Variants in TNRC6B observed in about 807,000 individuals in gnomAD.
The protein encoded by TNRC6B is trinucleotide repeat-containing gene 6B protein.
In TNRC6B, 52 loss-of-function variants were observed where a neutral mutation model predicts 203.6. The ratio of observed to expected loss-of-function variants is 0.26; its 90% CI spans 0.20 to 0.32. TNRC6B has a LOEUF of 0.32. TNRC6B is among the 10% of genes least tolerant of loss of function. TNRC6B has a pLI of 1.00. For synonymous variants in TNRC6B, 838 were observed against 845.7 expected (o/e 0.99, Z 0.16); for missense variants, 1,923 against 2,286.2 (o/e 0.84, Z 3.24).
chr22:40,094,281 T>C lies in TNRC6B; in HGVS notation c.-120-22774T>C, dbSNP rs73885648. 5.4e-3 allele frequency among the ~76,000 whole-genome samples: 827 copies of C among 152,226 alleles called. 7 individuals carry two copies. Among genetic ancestry groups the C allele is most frequent in the African/African-American group, 0.019 (794 of 41,528 alleles). On this transcript the variant is annotated intron_variant, in intron 1 of 23. Coordinates refer to the TNRC6B transcript ENST00000301923. Reference sequence around the variant, plus strand: ...AAGATGCCATCATTCCTAAGACATATTGTATTTTATGCTCCATTAAGAAAG... The same window carrying C: ...AAGATGCCATCATTCCTAAGACATACTGTATTTTATGCTCCATTAAGAAAG...
At chr22:40,245,611 T>C (rs2070096235) in intron 1 of TNRC6B, among the ~76,000 whole-genome samples, 1 of 152,176 alleles carries the variant, frequency 6.6e-6, no homozygotes, top group Admixed American at 6.5e-5. Context: ...TGTACCATAA[T>C]TGAGTTAATA....
At chr22:40,147,564 C>A (rs933745940) in intron 3 of TNRC6B, among the ~76,000 whole-genome samples, 1 of 152,144 alleles carries the variant, frequency 6.6e-6, no homozygotes, top group Non-Finnish European at 1.5e-5. Flanking sequence ...AATACTGCGT[C>A]CCCACGTGGC....
At position 40,312,908 on chromosome 22, in the gene TNRC6B, A is replaced by G; in HGVS notation, c.4589A>G (p.Asn1530Ser). 1 of 1,613,506 alleles carries G rather than the reference A, an allele frequency of 6.2e-7. No homozygotes were observed. Among genetic ancestry groups the G allele is most frequent in the Non-Finnish European group, 8.5e-7 (1 of 1,179,658 alleles). ...TTGTTCTTTGTTACCCAAGGGTCTAATTCTTCCCTCAACACCTCGCTGCCT... is the reference window on the plus strand; with the variant it reads ...TTGTTCTTTGTTACCCAAGGGTCTAGTTCTTCCCTCAACACCTCGCTGCCT... Reference protein sequence around the residue: ...QLLRDNTTGSNSSLNTSLPSP... With the variant: ...QLLRDNTTGSSSSLNTSLPSP... Residue 1530 changes from asparagine to serine, a missense_variant, in exon 19 of 23, where the codon AAT becomes AGT. Around this residue, in one of 8 missense-constraint regions of TNRC6B, gnomAD observed 159 missense variants for 181.0 expected, o/e 0.88. Coordinates refer to ENST00000454349, the MANE Select transcript of TNRC6B (RefSeq NM_001162501.2).
Position 40,089,286 on chromosome 22 carries a change from G to A in TNRC6B, c.-120-27769G>A, listed in dbSNP as rs187472103. Among the ~76,000 whole-genome samples the A allele has an allele frequency of 4.6e-5, 7 of 151,878 alleles. No individual in the cohort carries two copies. In the East Asian group the frequency reaches 5.8e-4, roughly 13 times the overall value. On this transcript the variant is annotated intron_variant, in intron 1 of 23. Coordinates refer to the TNRC6B transcript ENST00000301923. ...CTCACTTTGTCACCCAGGCTGGAGC[G>A]CATTGGTGTGATCTTGGCTCACTGC... is the stretch of plus-strand genomic sequence containing the variant.
intron 1 of TNRC6B, among the ~76,000 whole-genome samples, chr22:40,229,748 CA>C: frequency 6.6e-6 from 1 of 152,248 alleles, no homozygotes. Flanking sequence ...TTTTACTCAA[CA>C]TAGTTATTTT....
intron 20 of TNRC6B, 89 bp downstream of exon 20, chr22:40,315,596 C>A: frequency 7.2e-7 from 1 of 1,385,396 alleles, no homozygotes; most frequent in Non-Finnish European, 9.9e-7. Context: ...GAGGTCTTCC[C>A]AAGAGAGGAA....
At chr22:40,303,374 A>G (rs1300957295) in intron 15 of TNRC6B, among the ~76,000 whole-genome samples, 2 of 151,998 alleles carry the variant, frequency 1.3e-5, no homozygotes, top group African/African-American at 4.8e-5. Context: ...AAGCATACAC[A>G]TATATACGTA....
At chr22:40,312,726 A>G in intron 18 of TNRC6B, 75 bp downstream of exon 18, 1 of 1,537,760 alleles carries the variant, frequency 6.5e-7, no homozygotes, top group Middle Eastern at 1.7e-4. Flanking sequence ...CTTCATTTGT[A>G]CTTGCTGGTA....
intron 1 of TNRC6B, among the ~76,000 whole-genome samples, chr22:40,066,427 T>C (rs1011689015): frequency 2.6e-5 from 4 of 152,172 alleles, no homozygotes; most frequent in African/African-American, 9.7e-5. Context: ...AGATATTCTT[T>C]GGAATTTCCG....
chr22:40,257,050 A>T (rs2070290522), intron 3 of TNRC6B, among the ~76,000 whole-genome samples: 2 of 152,240 alleles, frequency 1.3e-5, no homozygotes, highest in Admixed American at 1.3e-4. Context: ...TGTTCAGTAC[A>T]CATTGACCGC....
chr22:40,133,505 A>G (rs1272969152), intron 3 of TNRC6B, among the ~76,000 whole-genome samples: 1 of 152,202 alleles, frequency 6.6e-6, no homozygotes, highest in African/African-American at 2.4e-5. Context: ...GATATTAAAT[A>G]TGTGCCTAGG....
At chr22:40,167,588 C>T (rs1292706327) in intron 4 of TNRC6B, among the ~76,000 whole-genome samples, 1 of 149,672 alleles carries the variant, frequency 6.7e-6, no homozygotes, top group African/African-American at 2.5e-5. Flanking sequence ...GTTTTTTTAA[C>T]CACAATAAAA....
At chr22:40,251,466 G>A (rs981438173) in intron 3 of TNRC6B, among the ~76,000 whole-genome samples, 1 of 152,036 alleles carries the variant, frequency 6.6e-6, no homozygotes, top group Non-Finnish European at 1.5e-5. Flanking sequence ...GGTGGCTTAC[G>A]CCTGTAATCC....
chr22:40,060,191 T>C (rs2067837765), intron 1 of TNRC6B, among the ~76,000 whole-genome samples: 1 of 148,850 alleles, frequency 6.7e-6, no homozygotes, highest in East Asian at 1.9e-4. Context: ...ACATAAAAAA[T>C]GCACATGACT....
chr22:40,281,052 C>A, intron 10 of TNRC6B, 67 bp from the exon 11 acceptor site: 2 of 1,317,286 alleles, frequency 1.5e-6, no homozygotes, highest in South Asian at 1.6e-5. Flanking sequence ...TCTCTTTTCC[C>A]TTCTTGCATT....
At chr22:40,304,408 A>G (rs2146553858) in intron 15 of TNRC6B, among the ~76,000 whole-genome samples, 1 of 152,268 alleles carries the variant, frequency 6.6e-6, no homozygotes, top group South Asian at 2.1e-4. Flanking sequence ...TGAGAGGGAG[A>G]GGGAGACAGA....
chr22:40,197,737 A>G (rs1017715786), intron 1 of TNRC6B, among the ~76,000 whole-genome samples: 1 of 151,350 alleles, frequency 6.6e-6, no homozygotes, highest in African/African-American at 2.4e-5. Context: ...CACGCAAGTA[A>G]TTGGGACTAC....
chr22:40,132,969 A>AAAAAAAATAT (rs1282694632), intron 3 of TNRC6B, among the ~76,000 whole-genome samples: 1 of 78,184 alleles, frequency 1.3e-5, no homozygotes, highest in Non-Finnish European at 2.6e-5. Context: ...AAAAAAAAAA[A>AAAAAAAATAT]ATATATATAT....
At chr22:40,143,443 C>T (rs1261952003) in intron 3 of TNRC6B, among the ~76,000 whole-genome samples, 2 of 151,874 alleles carry the variant, frequency 1.3e-5, no homozygotes, top group Non-Finnish European at 1.5e-5. Context: ...TAAAAAAAAT[C>T]AAATAAGAAT....
Sources: allele counts gnomAD v4.1 joint callset (sites outside exome capture counted in the v4.1 genomes callset), GRCh38; gene constraint gnomAD v4.1.1; regional missense constraint gnomAD v4.1.1; transcripts MANE v1.5; gene names NCBI Gene and HGNC (gene_info 2026-07-23, HGNC 2026-07-21).